LIMCH1: variants seen among roughly 807,000 people sequenced by gnomAD.
The protein encoded by LIMCH1 is LIM and calponin homology domains-containing protein 1.
A neutral mutation model predicts 176.5 loss-of-function variants in LIMCH1; 113 were observed. The observed-to-expected ratio is 0.64, with a 90% CI of 0.55 to 0.75. The LOEUF is 0.75. LIMCH1 is among the 30% of genes least tolerant of loss of function. LIMCH1 has a pLI of 0.00. For synonymous variants in LIMCH1, 619 were observed against 645.9 expected (o/e 0.96, Z 0.63); for missense variants, 1,674 against 1,814.9 (o/e 0.92, Z 1.41).
intron 1 of LIMCH1, among the ~76,000 whole-genome samples, chr4:41,580,234 C>T (rs1413572277): frequency 6.6e-6 from 1 of 152,136 alleles, no homozygotes; most frequent in African/African-American, 2.4e-5. Flanking sequence ...GTTAAATGTC[C>T]ATGGAACGTG....
Position 41,662,945 on chromosome 4 carries a change from T to C in LIMCH1, c.3252T>C (p.Asn1084=). 6.2e-7 allele frequency: 1 copy of C among 1,613,568 alleles called. No homozygotes were observed. Among genetic ancestry groups the C allele is most frequent in the Non-Finnish European group, 8.5e-7 (1 of 1,179,908 alleles). Residue 1084 remains asparagine, a synonymous_variant, in exon 20 of 32, where the codon AAT becomes AAC. Transcript: ENST00000503057. ...SEEKDQKKPE[N]EMSGKVELVL... is the part of the protein sequence containing the mutation. ...AAAAAGACCAGAAGAAACCAGAAAA[T>C]GAAATGAGTGGAAAGGTGGAGTTGG...
At chr4:41,427,506 C>A (rs899065851) in intron 1 of LIMCH1, among the ~76,000 whole-genome samples, 1 of 152,114 alleles carries the variant, frequency 6.6e-6, no homozygotes, top group Non-Finnish European at 1.5e-5. Context: ...CACTTGGTTC[C>A]GAGCAGTGAC....
chr4:41,528,733 A>G lies in LIMCH1; in HGVS notation c.237+4255A>G, dbSNP rs532525338. ...CGTGTGTCTTAATGGGCTAGTGTTG[A>G]GAAGCCAATCCATTAAGATGGCCCA... is the stretch of plus-strand genomic sequence containing the variant. On this transcript the variant is annotated intron_variant, in intron 3 of 26. Coordinates refer to the LIMCH1 transcript ENST00000313860. Among the ~76,000 whole-genome samples the G allele has an allele frequency of 1.1e-3, 167 of 152,272 alleles. 1 individual carries two copies. The highest frequency in any genetic ancestry group is 3.7e-3 in the South Asian group (18 of 4,826).
chr4:41,650,875 C>T (rs1295225370), intron 18 of LIMCH1, among the ~76,000 whole-genome samples: 3 of 152,132 alleles, frequency 2.0e-5, no homozygotes, highest in Non-Finnish European at 2.9e-5. Context: ...AGGTCTCTCT[C>T]CTAGCCTCTG....
intron 1 of LIMCH1, among the ~76,000 whole-genome samples, chr4:41,369,150 T>G (rs2053564954): frequency 6.6e-6 from 1 of 152,168 alleles, no homozygotes; most frequent in Non-Finnish European, 1.5e-5. Flanking sequence ...TGACTGAGAT[T>G]CCTTTCAACA....
chr4:41,651,599 C>T lies in LIMCH1; in HGVS notation c.3036+991C>T, dbSNP rs1166933106. Among the ~76,000 whole-genome samples, 3 of 152,184 alleles carry T rather than the reference C, an allele frequency of 2.0e-5. No individual in the cohort carries two copies. In the East Asian group the frequency reaches 5.8e-4, roughly 29 times the overall value. On this transcript the variant is annotated intron_variant, in intron 18 of 31. Coordinates refer to ENST00000503057, the MANE Select transcript of LIMCH1 (RefSeq NM_001330672.2). ...AATCTTTAAAATACCTTTTCCCCCCCTGTTTATTTAGGACCTCATTAGACT... is the reference window on the plus strand; with the variant it reads ...AATCTTTAAAATACCTTTTCCCCCCTTGTTTATTTAGGACCTCATTAGACT...
intron 1 of LIMCH1, among the ~76,000 whole-genome samples, chr4:41,458,639 T>C (rs930333442): frequency 6.6e-6 from 1 of 151,824 alleles, no homozygotes; most frequent in African/African-American, 2.4e-5. Context: ...CTGGGCGTGG[T>C]GGCATGCACC....
At chr4:41,527,839 A>C (rs974856209) in intron 3 of LIMCH1, among the ~76,000 whole-genome samples, 5 of 150,964 alleles carry the variant, frequency 3.3e-5, no homozygotes, top group South Asian at 4.2e-4. Context: ...AAAAAAAAAA[A>C]AAAAAAAAAA....
intron 1 of LIMCH1, among the ~76,000 whole-genome samples, chr4:41,458,394 C>A (rs2064876722): frequency 6.6e-6 from 1 of 152,030 alleles, no homozygotes; most frequent in South Asian, 2.1e-4. Context: ...TGGAATAATA[C>A]TAATCACATA....
chr4:41,581,409 T>C (rs1034022028), intron 1 of LIMCH1, among the ~76,000 whole-genome samples: 1 of 152,138 alleles, frequency 6.6e-6, no homozygotes, highest in African/African-American at 2.4e-5. Flanking sequence ...AATTTATACA[T>C]CTTATTACTG....
In LIMCH1 at chr4:41,676,298, C is replaced by A. The variant is rs1005453776; in HGVS notation, c.3439-84C>A. ...CTGTGTGTCAATCTGGGTGCCAGGCCAGAGGCCAATTGTCTACTCTTCACC... is the reference window on the plus strand; with the variant it reads ...CTGTGTGTCAATCTGGGTGCCAGGCAAGAGGCCAATTGTCTACTCTTCACC... On this transcript the variant is annotated intron_variant, in intron 22 of 31. Coordinates refer to ENST00000503057, the MANE Select transcript of LIMCH1 (RefSeq NM_001330672.2). 3 of 1,028,386 alleles carry A rather than the reference C, an allele frequency of 2.9e-6. No homozygotes were observed. In the African/African-American group the frequency reaches 4.8e-5, roughly 16 times the overall value. The allele number at this position is 1,028,386 out of a possible 1,614,324, so 63.7% of individuals were successfully genotyped here.
chr4:41,598,699 G>A (rs2089382387), intron 1 of LIMCH1, among the ~76,000 whole-genome samples: 1 of 152,078 alleles, frequency 6.6e-6, no homozygotes, highest in African/African-American at 2.4e-5. Flanking sequence ...AATGTGTCAA[G>A]CTAACGGGAA....
chr4:41,666,014 G>A (rs1393686909), intron 20 of LIMCH1, among the ~76,000 whole-genome samples: 1 of 152,178 alleles, frequency 6.6e-6, no homozygotes, highest in East Asian at 1.9e-4. Context: ...GTTCGACAGT[G>A]GTTGTTTATA....
intron 1 of LIMCH1, among the ~76,000 whole-genome samples, chr4:41,589,070 T>G (rs2087001977): frequency 6.6e-6 from 1 of 151,952 alleles, no homozygotes. Context: ...TGAAGCTACA[T>G]GCAGTGGCCT....
At chr4:41,498,893 G>T (rs555861662) in intron 2 of LIMCH1, among the ~76,000 whole-genome samples, 7 of 149,948 alleles carry the variant, frequency 4.7e-5, no homozygotes, top group African/African-American at 1.7e-4. Context: ...TTTTTTAACT[G>T]GCCTTCTTGC....
chr4:41,620,270 C>T (rs1323957663), intron 6 of LIMCH1, 154 bp from the exon 7 acceptor site: 67 of 719,312 alleles, frequency 9.3e-5, no homozygotes, highest in South Asian at 5.0e-4. Flanking sequence ...TAAATGGCTG[C>T]GTTGAATTTT....
intron 1 of LIMCH1, among the ~76,000 whole-genome samples, chr4:41,596,629 C>A (rs2088877313): frequency 6.6e-6 from 1 of 152,056 alleles, no homozygotes; most frequent in Admixed American, 6.5e-5. Flanking sequence ...TTTTTCAATC[C>A]TTGCTTTCTT....
chr4:41,663,299 G>A (rs960764031), intron 20 of LIMCH1, among the ~76,000 whole-genome samples: 19 of 152,068 alleles, frequency 1.2e-4, no homozygotes, highest in Admixed American at 5.2e-4. Flanking sequence ...GATTATAGGC[G>A]TCTGCCACCA....
chr4:41,469,187 C>G (rs2066587365), intron 1 of LIMCH1, among the ~76,000 whole-genome samples: 1 of 152,318 alleles, frequency 6.6e-6, no homozygotes, highest in East Asian at 1.9e-4. Context: ...TTTTTAAAGC[C>G]TACCTCCCAC....
Sources: allele counts gnomAD v4.1 joint callset (sites outside exome capture counted in the v4.1 genomes callset), GRCh38; gene constraint gnomAD v4.1.1; transcripts MANE v1.5; gene names NCBI Gene and HGNC (gene_info 2026-07-23, HGNC 2026-07-21).